Variants in FMNL1 observed in about 807,000 individuals in gnomAD.
FMNL1 encodes the protein formin like 1, also known as formin-like protein 1.
Under a neutral mutation model 121.3 loss-of-function variants are expected in FMNL1, and 43 were observed. The ratio of observed to expected loss-of-function variants is 0.35; its 90% CI spans 0.28 to 0.46. The LOEUF (loss-of-function observed/expected upper bound fraction) is 0.46, where lower values mean the gene tolerates loss of function less well. Ranked by LOEUF, FMNL1 falls within the 20% of genes least tolerant of loss-of-function variation. The pLI is 1.00. For synonymous variants in FMNL1, 613 were observed against 613.5 expected, an observed-to-expected ratio of 1.00 and a Z score of 0.01; for missense variants, 1,191 against 1,482.4, an observed-to-expected ratio of 0.80 and a Z score of 3.23.
At position 45,221,981 on chromosome 17, in the gene FMNL1, G is replaced by C; in HGVS notation, c.-144G>C. 3.6e-6 allele frequency: 2 copies of C among 554,952 alleles called. No homozygotes were observed. The highest frequency in any genetic ancestry group is 5.1e-6 in the Non-Finnish European group (2 of 390,524). The allele number at this position is 554,952 out of a possible 1,614,324, so 34.4% of individuals were successfully genotyped here. On this transcript the variant is annotated 5_prime_UTR_variant, in exon 1 of 27. Coordinates refer to ENST00000331495, the MANE Select transcript of FMNL1 (RefSeq NM_005892.4). ...TCCGGCCCCTGCGCGCCGCTGAGCC[G>C]AGCGCCCCCCGCTGCCGAGACCCCC...
Position 45,247,137 on chromosome 17 carries a change from G to A in FMNL1, c.*279G>A, listed in dbSNP as rs941293046. 23 of 584,732 alleles carry A rather than the reference G, an allele frequency of 3.9e-5. No individual in the cohort carries two copies. The highest frequency in any genetic ancestry group is 6.7e-5 in the Non-Finnish European group (22 of 326,266). 36.2% of individuals were successfully genotyped at this position (584,732 alleles called of 1,614,324 possible). A position where few individuals can be genotyped will look rare whatever the true frequency, so the allele number is the denominator to read the frequency against. ...TTGGCCACAGAGGGCAGCATCGCCC[G>A]CCCCTTCCCCCAAATGCTGCTTGCA... On this transcript the variant is annotated 3_prime_UTR_variant, in exon 27 of 27. Transcript: ENST00000331495.
intron 1 of FMNL1, among the ~76,000 whole-genome samples, chr17:45,225,059 C>T (rs1394262451): frequency 1.3e-5 from 2 of 152,212 alleles, no homozygotes; most frequent in Non-Finnish European, 1.5e-5. Context: ...CCCTGATCTG[C>T]CGGGCAGGGA....
In FMNL1 at chr17:45,244,919, T is replaced by TTGGGGACTGGGGC. The variant is rs1161456691; in HGVS notation, c.2598+31_2599-37dup. 1 of 1,613,154 alleles carries TTGGGGACTGGGGC rather than the reference T, an allele frequency of 6.2e-7. No homozygotes were observed. The highest frequency in any genetic ancestry group is 8.5e-7 in the Non-Finnish European group (1 of 1,179,498). On this transcript the variant is annotated intron_variant, in intron 20 of 26. Transcript: ENST00000331495. ...GATGCGGTGAGGAGGGGCCCCTGGCTTGGGGACTGGGGCTGGGGACTGGCT... is the reference window on the plus strand; with the variant it reads ...GATGCGGTGAGGAGGGGCCCCTGGCTTGGGGACTGGGGCTGGGGACTGGGGCTGGGGACTGGCT...
chr17:45,237,377 C>T lies in FMNL1; in HGVS notation c.800+20C>T, dbSNP rs546524920. The T allele has an allele frequency of 6.2e-7, 1 of 1,614,006 alleles. No homozygotes were observed. Among genetic ancestry groups the T allele is most frequent in the South Asian group, 1.1e-5 (1 of 91,082 alleles). On this transcript the variant is annotated intron_variant, in intron 8 of 26. Coordinates refer to ENST00000331495, the MANE Select transcript of FMNL1 (RefSeq NM_005892.4). The surrounding 1 kb of genome is among the most constrained non-coding windows in gnomAD (Gnocchi z 4.4). ...CCCCAGGTGAGGTCCAGGCCCCAAA[C>T]CTTTCTCCGTATCTAGAGTCTTCTC...
chr17:45,234,167 C>T lies in FMNL1; in HGVS notation c.581C>T (p.Ser194Phe). 1 of 1,614,154 alleles carries T rather than the reference C, an allele frequency of 6.2e-7. No individual in the cohort carries two copies. The highest frequency in any genetic ancestry group is 8.5e-7 in the Non-Finnish European group (1 of 1,180,038). ...SVEDLSKGPP[S>F]SVPKSRHLTI... ...GAAGACCTCAGCAAGGGTCCACCCT[C>T]CTCCGTGCCCAAAAGCCGCCACCTG... is the stretch of plus-strand genomic sequence containing the variant. The change falls in exon 6 of 27, where the codon TCC becomes TTC. Residue 194 changes from serine to phenylalanine, a missense_variant. Ser to Phe is a radical substitution (Grantham distance 155, BLOSUM62 -2). This residue lies in a region of FMNL1 where 253 missense variants were observed against 417.5 expected (regional missense o/e 0.61). Transcript: ENST00000331495.
Position 45,245,956 on chromosome 17 carries a change from GA to G in FMNL1, c.3074del (p.Glu1025GlyfsTer22). The G allele has an allele frequency of 6.4e-7, 1 of 1,573,974 alleles. No homozygotes were observed. The highest frequency in any genetic ancestry group is 2.2e-5 in the East Asian group (1 of 44,680). On this transcript the variant is annotated frameshift_variant, in exon 24 of 27. Coordinates refer to ENST00000331495, the MANE Select transcript of FMNL1 (RefSeq NM_005892.4). LOFTEE classifies it high-confidence loss of function. ...AGGCGCTGATACCCCGGGCAAAGGG[GA>G]GCCCCCAGCACCCAAGGTAGGCAAC... ...EAGADTPGKG[E>X]PPAPKSPPKA...
At position 45,223,500 on chromosome 17, in the gene FMNL1, C is replaced by T. The variant is rs1191077000; in HGVS notation, c.129+1247C>T. Among the ~76,000 whole-genome samples, 2 of 152,178 alleles carry T rather than the reference C, an allele frequency of 1.3e-5. 1 individual carries two copies. The highest frequency in any genetic ancestry group is 4.1e-4 in the South Asian group (2 of 4,836). On this transcript the variant is annotated intron_variant, in intron 1 of 26. Coordinates refer to ENST00000331495, the MANE Select transcript of FMNL1 (RefSeq NM_005892.4). ...AGCTATGGGGTGGCGAGGGATCCAT[C>T]CTTGTGAAGACACCTTGCTTGATTA...
Position 45,222,154 on chromosome 17 carries a change from G to T in FMNL1, c.30G>T (p.Gln10His). 1 of 1,200,310 alleles carries T rather than the reference G, an allele frequency of 8.3e-7. No homozygotes were observed. The highest frequency in any genetic ancestry group is 1.0e-6 in the Non-Finnish European group (1 of 969,970). 74.4% of individuals were successfully genotyped at this position (1,200,310 alleles called of 1,614,324 possible). A position where few individuals can be genotyped will look rare whatever the true frequency, so the allele number is the denominator to read the frequency against. ...GCAACGCGGCCGGCAGCGCCGAGCA[G>T]CCCGCGGGCCCCGCCGCGCCGCCCC... is the stretch of plus-strand genomic sequence containing the variant. Reference protein sequence around the residue: MGNAAGSAEQPAGPAAPPPK... With the variant: MGNAAGSAEHPAGPAAPPPK... Residue 10 changes from glutamine to histidine, a missense_variant, in exon 1 of 27, where the codon CAG (glutamine) becomes CAT (histidine). Transcript: ENST00000331495.
Position 45,222,151 on chromosome 17 carries a change from G to A in FMNL1, c.27G>A (p.Glu9=). 2.5e-6 allele frequency: 3 copies of A among 1,195,940 alleles called. No individual in the cohort carries two copies. The highest frequency in any genetic ancestry group is 3.1e-6 in the Non-Finnish European group (3 of 967,714). The allele number at this position is 1,195,940 out of a possible 1,614,324, so 74.1% of individuals were successfully genotyped here. A position where few individuals can be genotyped will look rare whatever the true frequency, so the allele number is the denominator to read the frequency against. Reference sequence around the variant, plus strand: ...TGGGCAACGCGGCCGGCAGCGCCGAGCAGCCCGCGGGCCCCGCCGCGCCGC... The same window carrying A: ...TGGGCAACGCGGCCGGCAGCGCCGAACAGCCCGCGGGCCCCGCCGCGCCGC... MGNAAGSA[E]QPAGPAAPPP... is the part of the protein sequence containing the mutation. Residue 9 remains glutamate, a synonymous_variant, in exon 1 of 27, where the codon GAG becomes GAA. Transcript: ENST00000331495.
intron 1 of FMNL1, among the ~76,000 whole-genome samples, chr17:45,226,251 C>G (rs889364859): frequency 2.0e-5 from 3 of 152,202 alleles, no homozygotes; most frequent in Non-Finnish European, 4.4e-5. Context: ...ATGGTGCTAA[C>G]GGTAGCAGTG....
In FMNL1 at chr17:45,233,923, CACT is replaced by C; in HGVS notation, c.486-147_486-145del. The stretch of plus-strand genomic sequence containing the variant: ...CAGGGAGGGGTGGCCTCTCTTCCAC[CACT>C]ATGTTCAGCACAGTGCCAAGAACAC... On this transcript the variant is annotated intron_variant, in intron 5 of 26. Coordinates refer to ENST00000331495, the MANE Select transcript of FMNL1 (RefSeq NM_005892.4). This position sits in a 1 kb window ranked among gnomAD's most constrained non-coding sequence, Gnocchi z 4.1. The C allele has an allele frequency of 1.5e-6, 2 of 1,355,032 alleles. No individual in the cohort carries two copies. The highest frequency in any genetic ancestry group is 2.0e-6 in the Non-Finnish European group (2 of 1,005,570). The allele number at this position is 1,355,032 out of a possible 1,614,324, so 83.9% of individuals were successfully genotyped here.
At chr17:45,222,562 C>T (rs1195401127) in intron 1 of FMNL1, among the ~76,000 whole-genome samples, 2 of 152,018 alleles carry the variant, frequency 1.3e-5, no homozygotes, top group Non-Finnish European at 2.9e-5. Flanking sequence ...ACAGGGGTCC[C>T]GGGTCGCCCC....
intron 7 of FMNL1, chr17:45,236,686 G>A (rs1470211723): frequency 6.3e-6 from 1 of 158,234 alleles, no homozygotes; most frequent in African/African-American, 2.4e-5. Flanking sequence ...AAGAGGCCAG[G>A]TGCAGTGGCT....
rs761421986 is a variant in FMNL1, at chr17:45,246,532, G to C, written c.3239G>C (p.Arg1080Pro). 1.2e-6 allele frequency: 2 copies of C among 1,613,802 alleles called. No homozygotes were observed. Among genetic ancestry groups the C allele is most frequent in the Non-Finnish European group, 1.7e-6 (2 of 1,179,824 alleles). The change falls in exon 26 of 27, where the codon CGC becomes CCC. Residue 1080 changes from arginine (R) to proline (P), a missense_variant. Transcript: ENST00000331495. ...TVIKTVPFTA[R>P]TGKRTSRLLC... Reference sequence around the variant, plus strand: ...ATCAAGACGGTGCCCTTCACGGCCCGCACCGGCAAGCGGACATCCCGGCTC... The same window carrying C: ...ATCAAGACGGTGCCCTTCACGGCCCCCACCGGCAAGCGGACATCCCGGCTC...
intron 1 of FMNL1, among the ~76,000 whole-genome samples, chr17:45,225,599 G>C (rs895097720): frequency 5.9e-5 from 9 of 152,220 alleles, no homozygotes; most frequent in Non-Finnish European, 1.2e-4. Context: ...GACTGGCAGA[G>C]AGCTGGGTGA....
At chr17:45,227,863 G>A (rs543176720) in intron 1 of FMNL1, among the ~76,000 whole-genome samples, 7 of 152,332 alleles carry the variant, frequency 4.6e-5, no homozygotes, top group African/African-American at 1.2e-4. Context: ...AGGGGGCAAA[G>A]AAGCTGTAGG....
intron 1 of FMNL1, among the ~76,000 whole-genome samples, chr17:45,227,787 G>A (rs548412314): frequency 6.6e-6 from 1 of 152,334 alleles, no homozygotes; most frequent in East Asian, 1.9e-4. Flanking sequence ...TGTTCCAGGA[G>A]CTCCGTGAGT....
At chr17:45,230,206 C>T (rs1446940738) in intron 1 of FMNL1, among the ~76,000 whole-genome samples, 1 of 152,188 alleles carries the variant, frequency 6.6e-6, no homozygotes, top group Non-Finnish European at 1.5e-5. Context: ...TGATGGCTCC[C>T]CTGTTAGCTT....
chr17:45,230,478 G>T, intron 1 of FMNL1, 126 bp from the exon 2 acceptor site: 1 of 764,090 alleles, frequency 1.3e-6, no homozygotes, highest in East Asian at 2.6e-5. Context: ...TATCTCCTAG[G>T]GTCAGAGGAT....
Sources: allele counts gnomAD v4.1 joint callset (sites outside exome capture counted in the v4.1 genomes callset), GRCh38; gene constraint gnomAD v4.1.1; regional missense constraint gnomAD v4.1.1; non-coding constraint Gnocchi (gnomAD v3.1); transcripts MANE v1.5; gene names NCBI Gene and HGNC (gene_info 2026-07-23, HGNC 2026-07-21).